CBFA2T3: variants seen among roughly 807,000 people sequenced by gnomAD.
CBFA2T3 encodes CBFA2/RUNX1 partner transcriptional co-repressor 3, also known as transcriptional corepressor CBFA2T3.
Under a neutral mutation model 58.6 loss-of-function variants are expected in CBFA2T3, and 31 were observed. That is an observed-to-expected ratio of 0.53 (90% CI 0.40 to 0.71). The LOEUF (loss-of-function observed/expected upper bound fraction) is 0.71. Among genes scored for constraint, CBFA2T3 ranks in the 30% least tolerant of loss-of-function variants. The pLI is 0.00. For synonymous variants in CBFA2T3, 531 were observed against 421.9 expected (o/e 1.26, Z -3.17); for missense variants, 1,076 against 963.1 (o/e 1.12, Z -1.55).
intron 1 of CBFA2T3, among the ~76,000 whole-genome samples, chr16:88,966,340 A>AG (rs1480015070): frequency 2.6e-5 from 4 of 152,058 alleles, no homozygotes; most frequent in Non-Finnish European, 5.9e-5. Flanking sequence ...GTGCCGGGGT[A>AG]GGGGGGTGGC....
chr16:88,941,196 G>C (rs1052736934), intron 1 of CBFA2T3: 2 of 980,750 alleles, frequency 2.0e-6, no homozygotes, highest in African/African-American at 3.5e-5. Context: ...GCGCGGGGCG[G>C]CCGCCTGGGC....
chr16:88,976,938 C>A lies in CBFA2T3; in HGVS notation c.-131G>T, dbSNP rs1217171749. The A allele has an allele frequency of 4.2e-6, 5 of 1,194,850 alleles. No homozygotes were observed. The highest frequency in any genetic ancestry group is 5.7e-6 in the Non-Finnish European group (5 of 871,400). 74.0% of individuals were successfully genotyped at this position (1,194,850 alleles called of 1,614,324 possible). ...CAGCTGGGGCGTCCTGGAGTTGGGC[C>A]TCTGTCCCTGGAAAGCCGAGGCCCT... On this transcript the variant is annotated 5_prime_UTR_variant, in exon 1 of 12. It adds an upstream start codon to the 5' untranslated region. Coordinates refer to ENST00000268679, the MANE Select transcript of CBFA2T3 (RefSeq NM_005187.6).
intron 1 of CBFA2T3, among the ~76,000 whole-genome samples, chr16:88,944,134 A>G (rs1303902220): frequency 1.3e-5 from 2 of 152,056 alleles, no homozygotes; most frequent in Non-Finnish European, 2.9e-5. Context: ...TCAGGAGATC[A>G]AGACCGTCCT....
intron 1 of CBFA2T3, among the ~76,000 whole-genome samples, chr16:88,933,925 G>A (rs1971398469): frequency 1.3e-5 from 2 of 150,920 alleles, no homozygotes; most frequent in Middle Eastern, 3.4e-3. Flanking sequence ...GAGCCAAGCT[G>A]CACGCTGCCC....
At chr16:88,970,563 C>T (rs778968093) in intron 1 of CBFA2T3, among the ~76,000 whole-genome samples, 8 of 152,200 alleles carry the variant, frequency 5.3e-5, no homozygotes, top group Non-Finnish European at 8.8e-5. Flanking sequence ...GAAGTGTTGC[C>T]GGGTGAAAGC....
intron 1 of CBFA2T3, among the ~76,000 whole-genome samples, chr16:88,919,921 G>A (rs1037370332): frequency 2.6e-5 from 4 of 152,238 alleles, no homozygotes; most frequent in African/African-American, 9.6e-5. Flanking sequence ...GAGTTACCTT[G>A]GGAAGCAGCA....
At position 88,898,165 on chromosome 16, in the gene CBFA2T3, T is replaced by G. The variant is rs952250202; in HGVS notation, c.305-13A>C. 2.7e-5 allele frequency: 43 copies of G among 1,606,184 alleles called. No individual in the cohort carries two copies. Among genetic ancestry groups the G allele is most frequent in the Admixed American group, 3.3e-5 (2 of 59,988 alleles). ...CCGTCCTCTCGATCTGTAAGCAAAA[T>G]AAGAAGAACACGCTGTCAGGAGGGG... On this transcript the variant is annotated splice_polypyrimidine_tract_variant and intron_variant, in intron 2 of 11. Transcript: ENST00000268679.
chr16:88,944,976 G>A lies in CBFA2T3; in HGVS notation c.151+31681C>T, dbSNP rs1383558551. Among the ~76,000 whole-genome samples, 4 of 152,330 alleles carry A rather than the reference G, an allele frequency of 2.6e-5. No homozygotes were observed. The Middle Eastern group carries it at 0.01, about 389-fold the overall frequency. ...TCCTGCCAGGCCAGCGTGGTCCAGC[G>A]GGAGGCCAGGCCATCACTGTTGCTG... is the stretch of plus-strand genomic sequence containing the variant. On this transcript the variant is annotated intron_variant, in intron 1 of 11. Coordinates refer to ENST00000268679, the MANE Select transcript of CBFA2T3 (RefSeq NM_005187.6).
chr16:88,901,157 A>G (rs1970083126), intron 2 of CBFA2T3, among the ~76,000 whole-genome samples: 1 of 152,252 alleles, frequency 6.6e-6, no homozygotes, highest in African/African-American at 2.4e-5. Flanking sequence ...CTGCCGGACG[A>G]GGCAGGAAGC....
At position 88,958,961 on chromosome 16, in the gene CBFA2T3, G is replaced by T. The variant is rs1038094368; in HGVS notation, c.151+17696C>A. Among the ~76,000 whole-genome samples the T allele has an allele frequency of 6.6e-6, 1 of 152,130 alleles. No homozygotes were observed. Among genetic ancestry groups the T allele is most frequent in the Non-Finnish European group, 1.5e-5 (1 of 68,006 alleles). On this transcript the variant is annotated intron_variant, in intron 1 of 11. Coordinates refer to ENST00000268679, the MANE Select transcript of CBFA2T3 (RefSeq NM_005187.6). This position sits in a 1 kb window ranked among gnomAD's most constrained non-coding sequence, Gnocchi z 4.0. ...GAGGGCTGATTCCTCTCTCTGCCCC[G>T]ACCCCTGGCAACCCTGTCAGCTGCT...
chr16:88,895,056 G>T (rs368257158), intron 3 of CBFA2T3, among the ~76,000 whole-genome samples: 26 of 152,302 alleles, frequency 1.7e-4, no homozygotes, highest in African/African-American at 5.3e-4. Flanking sequence ...CTGTCTGGAC[G>T]GGAGGGAACA....
At chr16:88,944,140 G>A (rs1453731522) in intron 1 of CBFA2T3, among the ~76,000 whole-genome samples, 3 of 151,968 alleles carry the variant, frequency 2.0e-5, no homozygotes, top group Non-Finnish European at 4.4e-5. Flanking sequence ...GATCAAGACC[G>A]TCCTGGCTAA....
intron 1 of CBFA2T3, among the ~76,000 whole-genome samples, chr16:88,908,515 G>A (rs886262940): frequency 1.3e-5 from 2 of 152,328 alleles, no homozygotes; most frequent in Non-Finnish European, 2.9e-5. Flanking sequence ...CAGTGGGAAA[G>A]AGCCTGCAAT....
At chr16:88,951,010 C>T (rs1300542210) in intron 1 of CBFA2T3, 16 of 438,778 alleles carry the variant, frequency 3.6e-5, no homozygotes, top group Admixed American at 7.3e-5. Flanking sequence ...GTTCACCCCT[C>T]GCCTGGACCG....
intron 1 of CBFA2T3, among the ~76,000 whole-genome samples, chr16:88,932,967 T>C (rs1185771201): frequency 7.4e-6 from 1 of 135,150 alleles, no homozygotes. Context: ...AGATTGTGTC[T>C]GGGGGAAAAA....
rs71395357 is a variant in CBFA2T3, at chr16:88,961,449, G to C, written c.151+15208C>G. 3.0e-3 allele frequency among the ~76,000 whole-genome samples: 392 copies of C among 129,220 alleles called. 4 individuals are homozygous for C. The highest frequency in any genetic ancestry group is 0.023 in the East Asian group (100 of 4,332). The allele number at this position is 129,220 out of a possible 152,430, so 84.8% of individuals were successfully genotyped here. ...GACCTCAGCGCTGGACATTCCCACT[G>C]CATAGTAACCGACAGTCAGCGCTGG... On this transcript the variant is annotated intron_variant, in intron 1 of 11. Transcript: ENST00000268679.
intron 1 of CBFA2T3, among the ~76,000 whole-genome samples, chr16:88,904,646 C>T (rs1405028681): frequency 2.0e-5 from 3 of 152,304 alleles, no homozygotes; most frequent in African/African-American, 7.2e-5. Flanking sequence ...TGGTGTCCTC[C>T]CCTCCGTTCT....
At chr16:88,942,024 G>A (rs969211932) in intron 1 of CBFA2T3, among the ~76,000 whole-genome samples, 26 of 152,022 alleles carry the variant, frequency 1.7e-4, no homozygotes, top group African/African-American at 6.3e-4. Context: ...CCTCCCGGGC[G>A]GGTCCGATGC....
rs1206919398 is a variant in CBFA2T3, at chr16:88,881,283, A to ACACG, written c.1402+4_1402+7dup. 2.5e-6 allele frequency: 4 copies of ACACG among 1,593,096 alleles called. No homozygotes were observed. The South Asian group carries it at 4.5e-5, about 18-fold the overall frequency. ...TGTCTGCTCCCTCCCCCCACACCCC[A>ACACG]CACGCACCTAGCTGAGGCCCTTCGG... On this transcript the variant is annotated splice_region_variant and intron_variant, in intron 9 of 11. Transcript: ENST00000268679.
Sources: allele counts gnomAD v4.1 joint callset (sites outside exome capture counted in the v4.1 genomes callset), GRCh38; gene constraint gnomAD v4.1.1; non-coding constraint Gnocchi (gnomAD v3.1); transcripts MANE v1.5; gene names NCBI Gene and HGNC (gene_info 2026-07-23, HGNC 2026-07-21).